TOGARAM2: variants seen among roughly 807,000 people sequenced by gnomAD.
The protein encoded by TOGARAM2 is TOG array regulator of axonemal microtubules protein 2.
Under a neutral mutation model 93.3 loss-of-function variants are expected in TOGARAM2, and 85 were observed. The ratio of observed to expected loss-of-function variants is 0.91; its 90% CI spans 0.76 to 1.09. TOGARAM2 has a LOEUF of 1.09. TOGARAM2 is among the 50% of genes least tolerant of loss of function. The probability of loss-of-function intolerance (pLI) is 0.00; values close to 1 mark genes in which losing one functional copy is unlikely to be tolerated. For synonymous variants in TOGARAM2, 593 were observed against 552.8 expected (o/e 1.07, Z -1.02); for missense variants, 1,277 against 1,334.5 (o/e 0.96, Z 0.67).
In TOGARAM2 at chr2:28,994,875, A is replaced by G. The variant is rs1211476198; in HGVS notation, c.28+13A>G. 3.9e-6 allele frequency: 6 copies of G among 1,551,950 alleles called. No individual in the cohort carries two copies. In the South Asian group the frequency reaches 5.9e-5, roughly 15 times the overall value. ...GATGTCCCCGAAGGTAAGGGGCACC[A>G]TGGGAGGCCTGCTGCTGGTGTTTTC... On this transcript the variant is annotated intron_variant, in intron 2 of 19. Transcript: ENST00000379558.
intron 6 of TOGARAM2, among the ~76,000 whole-genome samples, chr2:29,004,305 G>A (rs1459067764): frequency 6.6e-6 from 1 of 152,204 alleles, no homozygotes; most frequent in South Asian, 2.1e-4. Context: ...CTATTTTAAA[G>A]CATGATTGAG....
rs1665897690 is a variant in TOGARAM2 at position 29,033,465 on chromosome 2, C to T, written c.2131-4C>T. ...GGCTCATGCTCTGTGTGTATTTTTT[C>T]AAGGGAATAGAAGATAATGATGAAC... On this transcript the variant is annotated splice_region_variant and splice_polypyrimidine_tract_variant and intron_variant, in intron 15 of 19. Coordinates refer to ENST00000379558, the MANE Select transcript of TOGARAM2 (RefSeq NM_199280.4). The T allele has an allele frequency of 6.2e-7, 1 of 1,611,212 alleles. No individual in the cohort carries two copies. Among genetic ancestry groups the T allele is most frequent in the African/African-American group, 1.3e-5 (1 of 74,884 alleles).
intron 13 of TOGARAM2, 105 bp from the exon 14 acceptor site, chr2:29,026,748 G>A: frequency 5.6e-6 from 7 of 1,250,766 alleles, no homozygotes; most frequent in South Asian, 4.2e-5. Flanking sequence ...GGAGCCCCTG[G>A]CTGGCATGAA....
chr2:29,022,100 CT>C, intron 10 of TOGARAM2, 57 bp from the exon 11 acceptor site: 1 of 1,608,600 alleles, frequency 6.2e-7, no homozygotes, highest in Admixed American at 1.7e-5. Flanking sequence ...GGAGCGGCCA[CT>C]CGGGCTCTTG....
intron 1 of TOGARAM2, among the ~76,000 whole-genome samples, chr2:28,975,365 T>G (rs892377484): frequency 2.6e-5 from 4 of 151,978 alleles, no homozygotes; most frequent in African/African-American, 9.7e-5. Context: ...TGTTTTTGTG[T>G]TTTTAGTAGA....
At chr2:29,030,599 G>A (rs1484732208) in intron 14 of TOGARAM2, among the ~76,000 whole-genome samples, 1 of 152,112 alleles carries the variant, frequency 6.6e-6, no homozygotes, top group Admixed American at 6.5e-5. Context: ...CTAGATGATG[G>A]TGACTACATT....
At chr2:29,037,383 T>G (rs1006564025) in intron 18 of TOGARAM2, among the ~76,000 whole-genome samples, 15 of 152,226 alleles carry the variant, frequency 9.9e-5, no homozygotes, top group African/African-American at 3.6e-4. Context: ...AGTAGACTTA[T>G]GGCCAGCCCA....
At chr2:29,033,639 G>T (rs1267704796) in intron 16 of TOGARAM2, 76 bp downstream of exon 16, 1 of 1,418,970 alleles carries the variant, frequency 7.0e-7, no homozygotes, top group East Asian at 2.4e-5. Flanking sequence ...CATGGCCAGG[G>T]GTGGCTCTGG....
At chr2:29,035,343 A>C in intron 16 of TOGARAM2, 121 bp from the exon 17 acceptor site, 1 of 905,004 alleles carries the variant, frequency 1.1e-6, no homozygotes, top group Non-Finnish European at 1.5e-6. Context: ...GGGTGGACTA[A>C]CCTGCAGGTG....
intron 1 of TOGARAM2, among the ~76,000 whole-genome samples, chr2:28,992,445 C>T (rs1672779617): frequency 6.6e-6 from 1 of 152,118 alleles, no homozygotes; most frequent in South Asian, 2.1e-4. Context: ...GATTTCCTTT[C>T]CATACTGCTG....
At chr2:28,962,599 A>C (rs1169128100) in intron 1 of TOGARAM2, among the ~76,000 whole-genome samples, 1 of 152,132 alleles carries the variant, frequency 6.6e-6, no homozygotes, top group East Asian at 1.9e-4. Context: ...TGGATATGCC[A>C]CAAGTTGTTT....
rs753140169 is a variant in TOGARAM2, at chr2:29,024,223, C to G, written c.1702C>G (p.Gln568Glu). 6.2e-7 allele frequency: 1 copy of G among 1,608,980 alleles called. No homozygotes were observed. The highest frequency in any genetic ancestry group is 1.1e-5 in the South Asian group (1 of 89,948). ...LFQALKKNMD[Q>E]EAEEIARCLL... ...CCAGGCCTTGAAGAAGAATATGGAC[C>G]AGGAGGCCGAGGAGATCGCCCGCTG... Residue 568 changes from glutamine to glutamate, a missense_variant, in exon 13 of 20, where the codon CAG becomes GAG. Physicochemically the swap from Gln to Glu is conservative, Grantham distance 29 (BLOSUM62 2). Coordinates refer to ENST00000379558, the MANE Select transcript of TOGARAM2 (RefSeq NM_199280.4).
intron 6 of TOGARAM2, among the ~76,000 whole-genome samples, chr2:29,005,231 ATG>A (rs1204395091): frequency 8.2e-5 from 10 of 121,528 alleles, no homozygotes; most frequent in African/African-American, 3.3e-4. Flanking sequence ...ATGTGTGTAT[ATG>A]TGTGTGGGAC....
intron 1 of TOGARAM2, among the ~76,000 whole-genome samples, chr2:28,966,412 C>T (rs1671869279): frequency 6.6e-6 from 1 of 152,094 alleles, no homozygotes. Context: ...ATTCTCCTGC[C>T]TCAGCCTCCT....
chr2:28,959,164 C>T (rs571118887), intron 1 of TOGARAM2, among the ~76,000 whole-genome samples: 10 of 152,242 alleles, frequency 6.6e-5, no homozygotes, highest in East Asian at 1.9e-4. Context: ...GATGCTAACC[C>T]GAAAAAGTGC....
chr2:29,026,080 A>G (rs1186780732), intron 13 of TOGARAM2, among the ~76,000 whole-genome samples: 1 of 152,172 alleles, frequency 6.6e-6, no homozygotes, highest in Non-Finnish European at 1.5e-5. Context: ...TATGTCCTTC[A>G]GCTCTAGTCC....
In TOGARAM2 at chr2:29,017,185, A is replaced by G. The variant is rs956827865; in HGVS notation, c.1076A>G (p.Glu359Gly). ...GTCACCATCTCCAAGTCTGCCCGGG[A>G]GAAGATGCAGCTGAAGCAGATGAAG... is the stretch of plus-strand genomic sequence containing the variant. The part of the protein sequence containing the change: ...IQVTISKSAR[E>G]KMQLKQMKEM... Residue 359 changes from glutamate (E) to glycine (G), a missense_variant, in exon 9 of 20, where the codon GAG (glutamate) becomes GGG (glycine). By Grantham distance (98) the Glu-to-Gly change is moderately conservative. Transcript: ENST00000379558. 12 of 1,613,824 alleles carry G rather than the reference A, an allele frequency of 7.4e-6. No individual in the cohort carries two copies. Among genetic ancestry groups the G allele is most frequent in the Non-Finnish European group, 9.3e-6 (11 of 1,179,816 alleles).
intron 11 of TOGARAM2, among the ~76,000 whole-genome samples, chr2:29,022,708 G>A (rs1201258457): frequency 1.3e-5 from 2 of 152,216 alleles, no homozygotes; most frequent in Non-Finnish European, 2.9e-5. Flanking sequence ...GTAGTCATGA[G>A]CAAAGCAATG....
At chr2:28,985,855 G>T (rs2148245515) in intron 1 of TOGARAM2, among the ~76,000 whole-genome samples, 1 of 152,248 alleles carries the variant, frequency 6.6e-6, no homozygotes, top group South Asian at 2.1e-4. Context: ...TGTAATCCCA[G>T]CATTTTGGGA....
Sources: gnomAD v4.1 joint callset for allele counts (sites outside exome capture counted in the v4.1 genomes callset) on GRCh38, gnomAD v4.1.1 for gene constraint, MANE v1.5 for transcripts, NCBI Gene and HGNC (gene_info 2026-07-23, HGNC 2026-07-21) for gene names.